Variants in MYO18A observed in about 807,000 individuals in gnomAD.
MYO18A encodes myosin XVIIIA.
Under a neutral mutation model 235.8 loss-of-function variants are expected in MYO18A, and 78 were observed. That is an observed-to-expected ratio of 0.33 (90% confidence interval 0.28 to 0.40). MYO18A has a LOEUF of 0.40. Ranked by LOEUF, MYO18A falls within the 10% of genes least tolerant of loss-of-function variation. The pLI, the probability that MYO18A is intolerant of heterozygous loss-of-function variation, is 1.00. For missense variants in MYO18A, 2,215 were observed against 2,699.3 expected (o/e 0.82, Z 3.98); for synonymous variants, 977 against 1,077.8 (o/e 0.91, Z 1.83).
chr17:29,166,739 T>G lies in MYO18A; in HGVS notation c.202A>C (p.Ile68Leu), dbSNP rs781135482. The G allele has an allele frequency of 4.3e-6, 7 of 1,613,670 alleles. No homozygotes were observed. The East Asian group carries it at 1.3e-4, about 31-fold the overall frequency. Residue 68 changes from isoleucine to leucine, a missense_variant, in exon 2 of 42, where the codon ATC becomes CTC. Physicochemically the swap from Ile to Leu is conservative, Grantham distance 5. Transcript: ENST00000527372. ...TRLEISNPIP[I>L]KVASGSDLHL... is the part of the protein sequence containing the mutation. Reference sequence around the variant, plus strand: ...AGGTCAGAGCCGCTGGCCACCTTGATGGGGATGGGGTTGGAGATTTCCAGG... The same window carrying G: ...AGGTCAGAGCCGCTGGCCACCTTGAGGGGGATGGGGTTGGAGATTTCCAGG...
At chr17:29,114,830 C>T (rs2067017384) in intron 14 of MYO18A, 77 bp downstream of exon 14, 1 of 1,438,196 alleles carries the variant, frequency 7.0e-7, no homozygotes, top group African/African-American at 1.4e-5. Context: ...GTGATGCCTT[C>T]TGCATCCACA....
In MYO18A at chr17:29,084,975, G is replaced by C. The variant is rs539845576; in HGVS notation, c.5897+629C>G. ...CCTGACAGTACCAGCACAAGCGCCCGCTGGGGCCTCCCTCTGCCCACGGTA... is the reference window on the plus strand; with the variant it reads ...CCTGACAGTACCAGCACAAGCGCCCCCTGGGGCCTCCCTCTGCCCACGGTA... On this transcript the variant is annotated intron_variant, in intron 40 of 41. Transcript: ENST00000527372. Among the ~76,000 whole-genome samples the C allele has an allele frequency of 2.6e-5, 4 of 152,204 alleles. No homozygotes were observed. In the South Asian group the frequency reaches 8.3e-4, roughly 32 times the overall value.
intron 41 of MYO18A, chr17:29,080,864 C>A: frequency 1.0e-6 from 1 of 985,506 alleles, no homozygotes; most frequent in African/African-American, 1.7e-5. Context: ...GCCGCCCGCT[C>A]GCTCAGGGAG....
chr17:29,140,442 A>T lies in MYO18A; in HGVS notation c.1000-18189T>A. Reference sequence around the variant, plus strand: ...AATAGCACAGGCTGTGGCCCCGCCCAGTTCCCGCCCTCTCCCCGGCCCCTC... The same window carrying T: ...AATAGCACAGGCTGTGGCCCCGCCCTGTTCCCGCCCTCTCCCCGGCCCCTC... On this transcript the variant is annotated intron_variant, in intron 2 of 41. Transcript: ENST00000527372. This position sits in a 1 kb window ranked among gnomAD's most constrained non-coding sequence, Gnocchi z 4.2. 8.0e-7 allele frequency: 1 copy of T among 1,245,222 alleles called. No individual in the cohort carries two copies. Among genetic ancestry groups the T allele is most frequent in the South Asian group, 1.3e-5 (1 of 74,878 alleles). 77.1% of individuals were successfully genotyped at this position (1,245,222 alleles called of 1,614,324 possible).
At chr17:29,123,817 G>C (rs956042319) in intron 2 of MYO18A, among the ~76,000 whole-genome samples, 5 of 152,214 alleles carry the variant, frequency 3.3e-5, no homozygotes, top group Non-Finnish European at 7.3e-5. Context: ...GGGAGGCTGA[G>C]GTGGGTGGAT....
rs187781707 is a variant in MYO18A, at chr17:29,075,649, T to C, written c.6021-735A>G. 5.0e-3 allele frequency: 838 copies of C among 166,486 alleles called. 10 individuals are homozygous for C. Among genetic ancestry groups the C allele is most frequent in the Non-Finnish European group, 1.6e-3 (109 of 68,102 alleles). The allele number at this position is 166,486 out of a possible 1,614,324, so 10.3% of individuals were successfully genotyped here. Reference sequence around the variant, plus strand: ...CAGCTATCCCAGATGTGAAGAGGCCTCTTCCCCCTGATGGAGCAGGATCAC... The same window carrying C: ...CAGCTATCCCAGATGTGAAGAGGCCCCTTCCCCCTGATGGAGCAGGATCAC... On this transcript the variant is annotated intron_variant, in intron 41 of 41. Coordinates refer to ENST00000527372, the MANE Select transcript of MYO18A (RefSeq NM_078471.4).
At chr17:29,127,885 C>T in intron 2 of MYO18A, 1 of 990,202 alleles carries the variant, frequency 1.0e-6, no homozygotes, top group African/African-American at 1.7e-5. Flanking sequence ...GTGACTTGGA[C>T]TGCTGCTCTC....
chr17:29,135,119 A>G (rs1474194500), intron 2 of MYO18A, among the ~76,000 whole-genome samples: 1 of 151,512 alleles, frequency 6.6e-6, no homozygotes, highest in Non-Finnish European at 1.5e-5. Context: ...TAATTGAGAC[A>G]GAGTCTCATC....
intron 2 of MYO18A, among the ~76,000 whole-genome samples, chr17:29,136,380 C>A (rs2152915426): frequency 6.6e-6 from 1 of 150,486 alleles, no homozygotes; most frequent in East Asian, 1.9e-4. Context: ...GGAACTCAGG[C>A]CCCAAAGGTG....
intron 2 of MYO18A, among the ~76,000 whole-genome samples, chr17:29,135,849 A>C (rs1368367989): frequency 2.0e-5 from 3 of 152,270 alleles, no homozygotes; most frequent in Non-Finnish European, 4.4e-5. Flanking sequence ...TATAACCCAA[A>C]GGATAAATGC....
intron 41 of MYO18A, 80 bp downstream of exon 41, chr17:29,082,233 GCCC>G: frequency 5.7e-6 from 9 of 1,568,576 alleles, no homozygotes; most frequent in Non-Finnish European, 7.9e-6. Flanking sequence ...ACACAGGCCT[GCCC>G]TCATGGGATC....
intron 37 of MYO18A, among the ~76,000 whole-genome samples, chr17:29,088,634 A>G (rs867178798): frequency 7.2e-5 from 11 of 152,330 alleles, no homozygotes; most frequent in Middle Eastern, 3.4e-3. Flanking sequence ...GAACTTAAAA[A>G]TAAGGTGAGA....
In MYO18A at chr17:29,098,934, G is replaced by A. The variant is rs2152783493; in HGVS notation, c.3672C>T (p.Asn1224=). The part of the protein sequence containing the change: ...QDLAIRCVQK[N]IKKNKGVKDW... ...CCTTCACCCCTTTGTTCTTCTTGAT[G>A]TTCTTCTGTACACAGCGAATGGCCA... Residue 1224 remains asparagine (N), a synonymous_variant, in exon 23 of 42, where the codon AAC becomes AAT. Transcript: ENST00000527372. 6.2e-7 allele frequency: 1 copy of A among 1,613,764 alleles called. No homozygotes were observed. The highest frequency in any genetic ancestry group is 2.2e-5 in the East Asian group (1 of 44,876).
chr17:29,122,135 G>A (rs1474651195), intron 3 of MYO18A, 31 bp downstream of exon 3: 1 of 1,600,494 alleles, frequency 6.2e-7, no homozygotes, highest in Non-Finnish European at 8.5e-7. Flanking sequence ...AGTGAGTCCT[G>A]ACATGTGCCC....
At chr17:29,116,185 G>T (rs1469005711) in intron 11 of MYO18A, among the ~76,000 whole-genome samples, 1 of 152,226 alleles carries the variant, frequency 6.6e-6, no homozygotes, top group East Asian at 1.9e-4. Context: ...CCTGGGATGG[G>T]CACAAGAACC....
Position 29,071,525 on chromosome 17 carries a change from T to C in MYO18A, c.*3245A>G, listed in dbSNP as rs2065883704. 1 of 149,358 alleles carries C rather than the reference T, an allele frequency of 6.7e-6. No individual in the cohort carries two copies. Among genetic ancestry groups the C allele is most frequent in the Non-Finnish European group, 1.5e-5 (1 of 66,104 alleles). The allele number at this position is 149,358 out of a possible 1,614,324, so 9.3% of individuals were successfully genotyped here. ...GTGGCATGTTCTACCAGCACCTCTC[T>C]TTCCCTGCCCCAGGACCTTTACTTA... On this transcript the variant is annotated 3_prime_UTR_variant, in exon 42 of 42. Transcript: ENST00000527372.
intron 1 of MYO18A, among the ~76,000 whole-genome samples, chr17:29,171,919 A>C (rs35834760): frequency 6.6e-6 from 1 of 151,634 alleles, no homozygotes; most frequent in African/African-American, 2.4e-5. Context: ...AAAAAAAAAA[A>C]CCATAGCCTG....
At position 29,166,287 on chromosome 17, in the gene MYO18A, G is replaced by T. The variant is rs1385091193; in HGVS notation, c.654C>A (p.Leu218=). ...GCCGTCGTTGCAGCTCCAGCTCCCG[G>T]AGGGTAGGTGGGGGCAGGGGCACCA... ...PPVVPLPPPT[L]RELELQRRPT... The change falls in exon 2 of 42, where the codon CTC becomes CTA. Residue 218 remains leucine, a synonymous_variant. Coordinates refer to ENST00000527372, the MANE Select transcript of MYO18A (RefSeq NM_078471.4). 1.9e-6 allele frequency: 3 copies of T among 1,612,830 alleles called. No individual in the cohort carries two copies. The highest frequency in any genetic ancestry group is 2.2e-5 in the South Asian group (2 of 91,080).
At chr17:29,124,770 C>A in intron 2 of MYO18A, 1 of 1,153,968 alleles carries the variant, frequency 8.7e-7, no homozygotes, top group South Asian at 1.5e-5. Context: ...AGCAAGTGCT[C>A]CTGAGTCAAG....
Sources: gnomAD v4.1 joint callset for allele counts (sites outside exome capture counted in the v4.1 genomes callset) on GRCh38, gnomAD v4.1.1 for gene constraint, Gnocchi (gnomAD v3.1) non-coding constraint, MANE v1.5 for transcripts, NCBI Gene and HGNC (gene_info 2026-07-23, HGNC 2026-07-21) for gene names.